PPFIA1: variants seen among roughly 807,000 people sequenced by gnomAD.
PPFIA1 encodes the protein liprin-alpha-1.
In PPFIA1, 25 loss-of-function variants were observed where a neutral mutation model predicts 149.9. That is an observed-to-expected ratio of 0.17 (90% CI 0.12 to 0.23). The LOEUF is 0.23. Among genes scored for constraint, PPFIA1 ranks in the 10% least tolerant of loss-of-function variants. PPFIA1 has a pLI of 1.00. For missense variants in PPFIA1, 1,362 were observed against 1,506.5 expected (o/e 0.90, Z 1.59); for synonymous variants, 549 against 552.8 (o/e 0.99, Z 0.10).
chr11:70,355,597 C>G, intron 17 of PPFIA1, 42 bp from the exon 18 acceptor site: 1 of 1,552,916 alleles, frequency 6.4e-7, no homozygotes, highest in Non-Finnish European at 8.7e-7. Context: ...GTGAAGTATC[C>G]TACAAGGGCA....
chr11:70,372,442 C>T (rs10466703), intron 22 of PPFIA1, 35 bp from the exon 23 acceptor site: 219,279 of 1,611,698 alleles, frequency 0.14, 20,164 homozygotes, highest in African/African-American at 0.47. Context: ...TTCACTGTTA[C>T]CATCTCTAAA....
chr11:70,343,407 C>T (rs1437831714), intron 14 of PPFIA1, among the ~76,000 whole-genome samples: 1 of 152,320 alleles, frequency 6.6e-6, no homozygotes, highest in Non-Finnish European at 1.5e-5. Context: ...CTGACTCTGC[C>T]ATCTCCCAGT....
intron 3 of PPFIA1, 46 bp downstream of exon 3, chr11:70,324,549 CA>C: frequency 6.8e-7 from 1 of 1,463,848 alleles, no homozygotes; most frequent in Non-Finnish European, 9.5e-7. Flanking sequence ...GAGCCACTGT[CA>C]GGAGGAGGGG....
rs536478411 is a variant in PPFIA1 at position 70,299,516 on chromosome 11, T to G, written c.265-24886T>G. On this transcript the variant is annotated intron_variant, in intron 2 of 27. Coordinates refer to ENST00000253925, the MANE Select transcript of PPFIA1 (RefSeq NM_003626.5). The stretch of plus-strand genomic sequence containing the variant: ...CAGTTACTTTCATCTGAACAAACCC[T>G]CTCCTCGGCCCCTCCAGCAGCCTTT... 4.6e-5 allele frequency among the ~76,000 whole-genome samples: 7 copies of G among 152,244 alleles called. No individual in the cohort carries two copies. The South Asian group carries it at 1.5e-3, about 32-fold the overall frequency.
intron 1 of PPFIA1, chr11:70,271,915 C>G: frequency 2.6e-6 from 1 of 386,674 alleles, no homozygotes; most frequent in Non-Finnish European, 4.7e-6. Flanking sequence ...AGGGCTTGCC[C>G]TTTTTTGTGA....
Position 70,383,786 on chromosome 11 carries a change from G to T in PPFIA1, c.*796G>T, listed in dbSNP as rs1488739254. The T allele has an allele frequency of 1.3e-5, 2 of 152,544 alleles. No individual in the cohort carries two copies. The highest frequency in any genetic ancestry group is 1.9e-4 in the East Asian group (1 of 5,206). The allele number at this position is 152,544 out of a possible 1,614,324, so 9.4% of individuals were successfully genotyped here. ...CAGTTCTCTCAGCTGGAGAGACTCG[G>T]GATGGGGTAACCTGGGGACCAGTCT... On this transcript the variant is annotated 3_prime_UTR_variant, in exon 28 of 28. Transcript: ENST00000253925.
At chr11:70,344,176 G>A in intron 15 of PPFIA1, among the ~76,000 whole-genome samples, 1 of 152,242 alleles carries the variant, frequency 6.6e-6, no homozygotes, top group East Asian at 1.9e-4. Flanking sequence ...CCACATAGCT[G>A]GAGGGTGCTG....
chr11:70,355,645 A>G lies in PPFIA1; in HGVS notation c.2322A>G (p.Thr774=), dbSNP rs1203803555. The change falls in exon 18 of 28, where the codon ACA becomes ACG. Residue 774 remains threonine (T), a synonymous_variant. Coordinates refer to ENST00000253925, the MANE Select transcript of PPFIA1 (RefSeq NM_003626.5). ...HEDIRDIRNS[T]GSQDGPVSNP... ...CCGTTTTCTTTCCTCGAAGCTCCAC[A>G]GGCTCCCAGGATGGTCCCGTGAGCA... 3 of 1,599,098 alleles carry G rather than the reference A, an allele frequency of 1.9e-6. No homozygotes were observed. Among genetic ancestry groups the G allele is most frequent in the Non-Finnish European group, 2.6e-6 (3 of 1,175,908 alleles).
At chr11:70,291,013 G>C (rs1386757950) in intron 2 of PPFIA1, among the ~76,000 whole-genome samples, 4 of 152,158 alleles carry the variant, frequency 2.6e-5, no homozygotes, top group African/African-American at 9.7e-5. Flanking sequence ...AGCCTCCCGA[G>C]TAGCTGGGAT....
intron 2 of PPFIA1, among the ~76,000 whole-genome samples, chr11:70,287,922 A>C (rs914409172): frequency 2.1e-4 from 32 of 152,098 alleles, no homozygotes; most frequent in African/African-American, 7.5e-4. Context: ...CTGGGATTAC[A>C]TAATGATGTT....
chr11:70,356,416 T>C (rs1451216627), intron 19 of PPFIA1, among the ~76,000 whole-genome samples, 162 bp downstream of exon 19: 1 of 152,202 alleles, frequency 6.6e-6, no homozygotes, highest in Non-Finnish European at 1.5e-5. Flanking sequence ...GAAGATTTAG[T>C]GTTTGTGAAA....
At chr11:70,282,957 A>T (rs774436618) in intron 2 of PPFIA1, among the ~76,000 whole-genome samples, 1 of 149,512 alleles carries the variant, frequency 6.7e-6, no homozygotes, top group African/African-American at 2.5e-5. Context: ...CTCTTGCCTC[A>T]GCCTCCTGAG....
intron 8 of PPFIA1, among the ~76,000 whole-genome samples, chr11:70,330,999 C>T (rs565876591): frequency 3.3e-5 from 5 of 151,822 alleles, no homozygotes; most frequent in East Asian, 1.9e-4. Flanking sequence ...TTTGGGAGGC[C>T]GAGGCAGGTG....
intron 2 of PPFIA1, among the ~76,000 whole-genome samples, chr11:70,321,690 C>G (rs951587234): frequency 6.6e-6 from 1 of 152,158 alleles, no homozygotes; most frequent in Non-Finnish European, 1.5e-5. Flanking sequence ...ATGATAGACT[C>G]TGGACCAGAC....
rs778146650 is a variant in PPFIA1, at chr11:70,375,042, C to T, written c.3264C>T (p.Phe1088=). ...CACTTCTGGCCTTAGATGAAACCTT[C>T]GACTTCAGTGCACTGGCACTGCTGT... The part of the protein sequence containing the change: ...HGALLALDET[F]DFSALALLLQ... The change falls in exon 24 of 28, where the codon TTC becomes TTT. Residue 1088 remains phenylalanine, a synonymous_variant. Transcript: ENST00000253925. 8 of 1,613,744 alleles carry T rather than the reference C, an allele frequency of 5.0e-6. No individual in the cohort carries two copies. The Admixed American group carries it at 6.7e-5, about 13-fold the overall frequency.
Position 70,376,535 on chromosome 11 carries a change from C to A in PPFIA1, c.3319C>A (p.Arg1107Ser). The A allele has an allele frequency of 1.9e-6, 3 of 1,612,434 alleles. No individual in the cohort carries two copies. Among genetic ancestry groups the A allele is most frequent in the Non-Finnish European group, 2.5e-6 (3 of 1,178,450 alleles). Residue 1107 changes from arginine (R) to serine (S), a missense_variant, in exon 25 of 28, where the codon CGT becomes AGT. Arg to Ser is a moderately radical substitution (Grantham distance 110). Around this residue, in one of 7 missense-constraint regions of PPFIA1, gnomAD observed 349 missense variants for 373.3 expected, o/e 0.93. Coordinates refer to ENST00000253925, the MANE Select transcript of PPFIA1 (RefSeq NM_003626.5). ...LQIPTQNTQARAVLEREFNNL... is the reference protein window; with the variant it reads ...LQIPTQNTQASAVLEREFNNL... The stretch of plus-strand genomic sequence containing the variant: ...TGTTTTTCTTTGGTTATTTCAGGCT[C>A]GTGCTGTCTTGGAAAGAGAATTTAA...
At chr11:70,282,658 A>G (rs2050835459) in intron 2 of PPFIA1, among the ~76,000 whole-genome samples, 1 of 146,232 alleles carries the variant, frequency 6.8e-6, no homozygotes, top group Non-Finnish European at 1.5e-5. Context: ...CCTCCCCAGT[A>G]GCTGGGACTA....
chr11:70,355,836 T>A (rs1301365987), intron 18 of PPFIA1, 25 bp downstream of exon 18: 1 of 1,593,570 alleles, frequency 6.3e-7, no homozygotes, highest in South Asian at 1.1e-5. Flanking sequence ...CGCACCCTTC[T>A]CAGCACCCAG....
At position 70,330,187 on chromosome 11, in the gene PPFIA1, G is replaced by A. The variant is rs1396278815; in HGVS notation, c.945G>A (p.Lys315=). Residue 315 remains lysine (K), a synonymous_variant, in exon 8 of 28, where the codon AAG becomes AAA. Transcript: ENST00000253925. ...QRDVREAMAQ[K]EDMEERITTL... is the part of the protein sequence containing the mutation. ...ACCTAATTTAGGCCATGGCCCAAAA[G>A]GAAGATATGGAAGAGAGAATCACTA... The A allele has an allele frequency of 6.3e-7, 1 of 1,595,278 alleles. No individual in the cohort carries two copies. The highest frequency in any genetic ancestry group is 8.5e-7 in the Non-Finnish European group (1 of 1,173,440).
Sources: gnomAD v4.1 joint callset for allele counts (sites outside exome capture counted in the v4.1 genomes callset) on GRCh38, gnomAD v4.1.1 for gene constraint, gnomAD v4.1.1 regional missense constraint, MANE v1.5 for transcripts, NCBI Gene and HGNC (gene_info 2026-07-23, HGNC 2026-07-21) for gene names.